Variants in SOX6 observed in about 807,000 individuals in gnomAD.
SOX6 encodes SRY-box transcription factor 6, also known as transcription factor SOX-6.
SOX6 carries 11 observed loss-of-function variants against 97.8 expected under a neutral mutation model. That is an observed-to-expected ratio of 0.11 (90% CI 0.07 to 0.19). SOX6 has a LOEUF of 0.19. Ranked by LOEUF, SOX6 falls within the 10% of genes least tolerant of loss-of-function variation. The pLI, the probability that SOX6 is intolerant of heterozygous loss-of-function variation, is 1.00. For missense variants in SOX6, 810 were observed against 1,039.5 expected, an observed-to-expected ratio of 0.78 and a Z score of 3.04; for synonymous variants, 360 against 371.4, an observed-to-expected ratio of 0.97 and a Z score of 0.35.
chr11:16,128,842 A>G (rs1849669086), intron 6 of SOX6, among the ~76,000 whole-genome samples: 2 of 151,846 alleles, frequency 1.3e-5, no homozygotes, highest in South Asian at 4.1e-4. Context: ...TTTATTTCCC[A>G]GTTTTCTTTA....
At chr11:16,654,319 C>T (rs1266374683) in intron 3 of SOX6, among the ~76,000 whole-genome samples, 1 of 152,134 alleles carries the variant, frequency 6.6e-6, no homozygotes, top group Admixed American at 6.5e-5. Flanking sequence ...CAGGCACATA[C>T]CGCCATGCTT....
intron 1 of SOX6, among the ~76,000 whole-genome samples, chr11:16,393,405 TC>T (rs1259596383): frequency 5.1e-5 from 7 of 136,338 alleles, no homozygotes; most frequent in Non-Finnish European, 4.8e-5. Context: ...GCATTTGTTT[TC>T]AAAAAAAATA....
At chr11:16,335,833 C>T (rs1856443275) in intron 2 of SOX6, among the ~76,000 whole-genome samples, 2 of 152,152 alleles carry the variant, frequency 1.3e-5, no homozygotes, top group African/African-American at 2.4e-5. Context: ...GCTAGAGAAG[C>T]AGAGTAGAAA....
chr11:16,344,690 G>A (rs950676111), intron 1 of SOX6, among the ~76,000 whole-genome samples: 5 of 151,908 alleles, frequency 3.3e-5, no homozygotes, highest in African/African-American at 1.2e-4. Flanking sequence ...TTTAGCTGCT[G>A]CCTTATATGA....
At chr11:15,998,638 G>A (rs904292690) in intron 13 of SOX6, among the ~76,000 whole-genome samples, 19 of 152,012 alleles carry the variant, frequency 1.2e-4, no homozygotes, top group Admixed American at 3.9e-4. Context: ...GAAAATTAGA[G>A]GATTCAAACT....
At chr11:16,020,714 T>A (rs12099378) in intron 12 of SOX6, among the ~76,000 whole-genome samples, 1 of 152,122 alleles carries the variant, frequency 6.6e-6, no homozygotes, top group African/African-American at 2.4e-5. Context: ...ATACAAAAAG[T>A]CTTAGTTTTG....
intron 9 of SOX6, among the ~76,000 whole-genome samples, chr11:16,092,027 T>C (rs1207603952): frequency 6.6e-6 from 1 of 152,016 alleles, no homozygotes; most frequent in Non-Finnish European, 1.5e-5. Flanking sequence ...GAGCAATCTG[T>C]CAGTAATACA....
rs995903709 is a variant in SOX6, at chr11:16,597,069, A to G, written n.609+15012T>C. ...AAATAATATCCTGAAGCAAAACCCA[A>G]TTGAAACATTGATTCACATCAAGTA... On this transcript the variant is annotated intron_variant and non_coding_transcript_variant, in intron 4 of 5. Transcript: ENST00000524520. Among the ~76,000 whole-genome samples the G allele has an allele frequency of 6.6e-5, 10 of 152,144 alleles. No homozygotes were observed. The South Asian group carries it at 1.7e-3, about 25-fold the overall frequency.
At chr11:16,436,532 C>T (rs1418751945) in intron 1 of SOX6, among the ~76,000 whole-genome samples, 1 of 152,104 alleles carries the variant, frequency 6.6e-6, no homozygotes, top group Non-Finnish European at 1.5e-5. Context: ...TACTTACACA[C>T]AATGTAATTT....
chr11:16,435,189 T>C (rs1859352022), intron 1 of SOX6, among the ~76,000 whole-genome samples: 1 of 152,152 alleles, frequency 6.6e-6, no homozygotes, highest in South Asian at 2.1e-4. Flanking sequence ...GTACAAAAAT[T>C]TGCATATGTA....
chr11:16,349,754 A>AG (rs1856886309), intron 1 of SOX6, among the ~76,000 whole-genome samples: 1 of 149,680 alleles, frequency 6.7e-6, no homozygotes, highest in South Asian at 2.2e-4. Context: ...GAAGGAAGGA[A>AG]GGAAGGGAAG....
intron 4 of SOX6, among the ~76,000 whole-genome samples, chr11:16,539,841 C>A (rs1318521670): frequency 1.3e-5 from 2 of 152,080 alleles, no homozygotes; most frequent in Non-Finnish European, 2.9e-5. Flanking sequence ...AGCCTACCAA[C>A]CAAAAAAAGT....
intron 13 of SOX6, among the ~76,000 whole-genome samples, chr11:16,002,068 TTTAGA>T (rs1854422043): frequency 6.6e-6 from 1 of 152,176 alleles, no homozygotes; most frequent in South Asian, 2.1e-4. Context: ...ACAAACTATG[TTTAGA>T]TTAGCCCATT....
intron 4 of SOX6, among the ~76,000 whole-genome samples, chr11:16,491,041 A>G (rs1486639254): frequency 6.6e-6 from 1 of 152,206 alleles, no homozygotes; most frequent in Non-Finnish European, 1.5e-5. Context: ...AGACAGTACA[A>G]TTAGACAAGA....
intron 1 of SOX6, among the ~76,000 whole-genome samples, chr11:16,449,430 T>C (rs751352346): frequency 6.4e-4 from 97 of 151,658 alleles, no homozygotes; most frequent in Non-Finnish European, 1.1e-3. Flanking sequence ...GTAGCTGGGA[T>C]TACAGGCGCC....
chr11:16,012,742 T>C (rs1361515263), intron 13 of SOX6, among the ~76,000 whole-genome samples: 1 of 151,984 alleles, frequency 6.6e-6, no homozygotes, highest in East Asian at 1.9e-4. Context: ...ATGTGGCTCA[T>C]AGCGAGTAAT....
intron 4 of SOX6, among the ~76,000 whole-genome samples, chr11:16,193,380 A>T (rs993289287): frequency 6.6e-6 from 1 of 152,102 alleles, no homozygotes; most frequent in Admixed American, 6.5e-5. Flanking sequence ...TTTAAAAAAA[A>T]AATAAAAATA....
intron 4 of SOX6, among the ~76,000 whole-genome samples, chr11:16,541,205 A>G (rs1248267149): frequency 6.6e-6 from 1 of 152,202 alleles, no homozygotes; most frequent in East Asian, 1.9e-4. Context: ...AAAACTAACA[A>G]AAACAAGAAA....
At chr11:16,043,891 G>C (rs1203848934) in intron 12 of SOX6, among the ~76,000 whole-genome samples, 1 of 151,794 alleles carries the variant, frequency 6.6e-6, no homozygotes, top group Admixed American at 6.6e-5. Flanking sequence ...CTTATCCAAT[G>C]ACTGGTTGAT....
Sources: allele counts gnomAD v4.1 joint callset (sites outside exome capture counted in the v4.1 genomes callset), GRCh38; gene constraint gnomAD v4.1.1; transcripts MANE v1.5; gene names NCBI Gene and HGNC (gene_info 2026-07-23, HGNC 2026-07-21).